The following DAB1 variants were observed in gnomAD, a reference collection of about 807,000 sequenced individuals.
DAB1 encodes the protein disabled homolog 1.
In DAB1, 15 loss-of-function variants were observed where a neutral mutation model predicts 64.6. The observed-to-expected ratio is 0.23, with a 90% CI of 0.16 to 0.36. The LOEUF is 0.36. Among genes scored for constraint, DAB1 ranks in the 10% least tolerant of loss-of-function variants. The probability of loss-of-function intolerance (pLI) is 1.00; values close to 1 mark genes in which losing one functional copy is unlikely to be tolerated. For synonymous variants in DAB1, 235 were observed against 251.9 expected (o/e 0.93, Z 0.64); for missense variants, 596 against 706.7 (o/e 0.84, Z 1.78).
chr1:58,011,432 A>C (rs2100429801), intron 5 of DAB1, among the ~76,000 whole-genome samples: 1 of 152,282 alleles, frequency 6.6e-6, no homozygotes, highest in South Asian at 2.1e-4. Flanking sequence ...AGGTAGCCAT[A>C]TTATCCTTAT....
intron 4 of DAB1, among the ~76,000 whole-genome samples, chr1:57,105,131 T>C (rs1247483305): frequency 6.6e-6 from 1 of 152,068 alleles, no homozygotes; most frequent in Admixed American, 6.6e-5. Context: ...GTTTGGTTTT[T>C]GGCCATCAAC....
At chr1:58,539,327 A>C (rs768383414) in intron 1 of DAB1, 8 of 788,232 alleles carry the variant, frequency 1.0e-5, no homozygotes, top group Non-Finnish European at 1.7e-5. Context: ...CAAAAAAAAA[A>C]CTATAAATAT....
intron 2 of DAB1, among the ~76,000 whole-genome samples, chr1:57,161,526 T>A (rs766379978): frequency 6.6e-6 from 1 of 152,310 alleles, no homozygotes; most frequent in Non-Finnish European, 1.5e-5. Flanking sequence ...TCCCTTTGGC[T>A]AATACACATA....
In DAB1 at chr1:58,303,572, A is replaced by T. The variant is rs370639431; in HGVS notation, n.309+39780T>A. Among the ~76,000 whole-genome samples the T allele has an allele frequency of 2.6e-5, 4 of 152,294 alleles. No homozygotes were observed. In the East Asian group the frequency reaches 7.7e-4, roughly 29 times the overall value. Reference sequence around the variant, plus strand: ...CCAAAAGATGATGTCCAAACCAGAGATGCGTGATATGACACCCATACAAGA... The same window carrying T: ...CCAAAAGATGATGTCCAAACCAGAGTTGCGTGATATGACACCCATACAAGA... On this transcript the variant is annotated intron_variant and non_coding_transcript_variant, in intron 4 of 20. Coordinates refer to the DAB1 transcript ENST00000485760.
rs72676975 is a variant in DAB1 at position 57,621,273 on chromosome 1, T to C, written n.625+28319A>G. Among the ~76,000 whole-genome samples, 16 of 148,952 alleles carry C rather than the reference T, an allele frequency of 1.1e-4. No homozygotes were observed. The South Asian group carries it at 3.5e-3, about 32-fold the overall frequency. On this transcript the variant is annotated intron_variant and non_coding_transcript_variant, in intron 7 of 20. Coordinates refer to the DAB1 transcript ENST00000485760. ...AGGGAGTGAGATTGTTGTGTGTGTG[T>C]GTGTGCGTGTGTAGGAGCCCTGAGA...
In DAB1 at chr1:57,491,442, T is replaced by TA. The variant is rs201078069; in HGVS notation, n.625+158149dup. On this transcript the variant is annotated intron_variant and non_coding_transcript_variant, in intron 7 of 20. Transcript: ENST00000485760. ...GACTCCATCTCAAAAAAATAAAAAT[T>TA]AAAAATTAGATTAAATTAAAAAAAG... Among the ~76,000 whole-genome samples the TA allele has an allele frequency of 7.8e-3, 1,190 of 151,912 alleles. 48 individuals carry two copies. In the East Asian group the frequency reaches 0.14, roughly 18 times the overall value.
At chr1:58,335,587 C>G (rs1663093969) in intron 4 of DAB1, among the ~76,000 whole-genome samples, 3 of 139,016 alleles carry the variant, frequency 2.2e-5, no homozygotes, top group African/African-American at 8.0e-5. Flanking sequence ...AGGCATTAGC[C>G]TGGAGGCCAG....
At chr1:57,695,353 AAAAGAAAGAAGAAAGAAAGAAAGAAAG>A (rs1646819450) in intron 6 of DAB1, among the ~76,000 whole-genome samples, 1 of 39,394 alleles carries the variant, frequency 2.5e-5, no homozygotes, top group Non-Finnish European at 5.3e-5. Context: ...AGAAAGAAAG[AAAAGAAAGAAGAAAGAAAGAAAGAAAG>A]AAAGAAAGAA....
Position 58,243,943 on chromosome 1 carries a change from A to C in DAB1, n.310-93355T>G, listed in dbSNP as rs149968065. Among the ~76,000 whole-genome samples, 493 of 152,266 alleles carry C rather than the reference A, an allele frequency of 3.2e-3. 2 individuals carry two copies. The highest frequency in any genetic ancestry group is 0.011 in the African/African-American group (466 of 41,560). On this transcript the variant is annotated intron_variant and non_coding_transcript_variant, in intron 4 of 20. Coordinates refer to the DAB1 transcript ENST00000485760. Reference sequence around the variant, plus strand: ...TGCATAGGGTTGACAATGAAAAAAAAACACACACACAAGAAAAATTTCATC... The same window carrying C: ...TGCATAGGGTTGACAATGAAAAAAACACACACACACAAGAAAAATTTCATC...
chr1:57,673,132 A>G (rs1646527362), intron 6 of DAB1, among the ~76,000 whole-genome samples: 1 of 152,104 alleles, frequency 6.6e-6, no homozygotes, highest in Admixed American at 6.6e-5. Context: ...GTGTCTGGTG[A>G]GGGTCCACTT....
chr1:58,002,883 T>C (rs1388565154), intron 5 of DAB1, among the ~76,000 whole-genome samples: 1 of 152,190 alleles, frequency 6.6e-6, no homozygotes, highest in Non-Finnish European at 1.5e-5. Context: ...TAGTTATTTA[T>C]CTTTTGAGTC....
chr1:57,127,698 G>T (rs1384521404), intron 4 of DAB1, among the ~76,000 whole-genome samples: 1 of 152,142 alleles, frequency 6.6e-6, no homozygotes, highest in Non-Finnish European at 1.5e-5. Context: ...GTGTTCAAGT[G>T]ACCTAACCTT....
intron 3 of DAB1, among the ~76,000 whole-genome samples, chr1:58,352,097 C>T (rs1644064215): frequency 6.6e-6 from 1 of 151,850 alleles, no homozygotes; most frequent in African/African-American, 2.4e-5. Context: ...CTGCTCAGGG[C>T]ATCCTGTTAT....
At chr1:57,077,837 G>T (rs1042390040) in intron 4 of DAB1, among the ~76,000 whole-genome samples, 2 of 152,044 alleles carry the variant, frequency 1.3e-5, no homozygotes, top group Non-Finnish European at 2.9e-5. Flanking sequence ...TAGTATGTGT[G>T]TGTATGTGTG....
intron 2 of DAB1, among the ~76,000 whole-genome samples, chr1:57,235,906 G>C (rs916878394): frequency 6.6e-6 from 1 of 152,202 alleles, no homozygotes; most frequent in Admixed American, 6.5e-5. Context: ...TCCATTAGGA[G>C]CATACACAGA....
intron 6 of DAB1, among the ~76,000 whole-genome samples, chr1:57,670,818 A>C (rs924433154): frequency 6.6e-6 from 1 of 152,162 alleles, no homozygotes; most frequent in Non-Finnish European, 1.5e-5. Flanking sequence ...AACACCTAAT[A>C]GGCACAAAGC....
chr1:57,632,274 T>C (rs571249471), intron 7 of DAB1, among the ~76,000 whole-genome samples: 8 of 152,368 alleles, frequency 5.3e-5, no homozygotes, highest in Non-Finnish European at 1.0e-4. Flanking sequence ...TACTCTAGTA[T>C]ACATTATTAC....
At chr1:58,416,463 G>C (rs996682372) in intron 3 of DAB1, among the ~76,000 whole-genome samples, 1 of 152,108 alleles carries the variant, frequency 6.6e-6, no homozygotes, top group Non-Finnish European at 1.5e-5. Context: ...TGTGATAAAG[G>C]TGTGGTAATT....
chr1:57,373,726 C>T (rs143717333), intron 1 of DAB1, among the ~76,000 whole-genome samples: 194 of 152,200 alleles, frequency 1.3e-3, no homozygotes, highest in African/African-American at 4.6e-3. Context: ...AATTCTGGTC[C>T]AAGCAGAATA....
Sources: gnomAD v4.1 joint callset for allele counts (sites outside exome capture counted in the v4.1 genomes callset) on GRCh38, gnomAD v4.1.1 for gene constraint, MANE v1.5 for transcripts, NCBI Gene and HGNC (gene_info 2026-07-23, HGNC 2026-07-21) for gene names.